PMFBP1: variants seen among roughly 807,000 people sequenced by gnomAD.
PMFBP1 encodes polyamine-modulated factor 1-binding protein 1.
A neutral mutation model predicts 137.8 loss-of-function variants in PMFBP1; 131 were observed. The observed-to-expected ratio is 0.95, with a 90% confidence interval of 0.82 to 1.10. PMFBP1 has a LOEUF of 1.10. Among genes scored for constraint, PMFBP1 ranks in the 50% least tolerant of loss-of-function variants. The pLI is 0.00. For missense variants in PMFBP1, 1,199 were observed against 1,175.4 expected, an observed-to-expected ratio of 1.02 and a Z score of -0.29; for synonymous variants, 490 against 450.4, an observed-to-expected ratio of 1.09 and a Z score of -1.11.
At chr16:72,211,920 C>A in the PMFBP1 span, among the ~76,000 whole-genome samples, 1 of 152,078 alleles carries the variant, frequency 6.6e-6, no homozygotes, top group Non-Finnish European at 1.5e-5. Flanking sequence ...CTGCTTGAGC[C>A]TGGGAGGCAG....
rs1233665330 is a variant in PMFBP1 at position 72,119,692 on chromosome 16, T to A, written c.3007+159A>T. 8 of 1,464,028 alleles carry A rather than the reference T, an allele frequency of 5.5e-6. No homozygotes were observed. The African/African-American group carries it at 1.1e-4, about 21-fold the overall frequency. 90.7% of individuals were successfully genotyped at this position (1,464,028 alleles called of 1,614,324 possible). ...TCAGAAGGGGTCTTAATTTGCCTCC[T>A]CCCTTTACAGATGTGAAAACAACGA... On this transcript the variant is annotated intron_variant, in intron 20 of 20. Coordinates refer to ENST00000237353, the MANE Select transcript of PMFBP1 (RefSeq NM_031293.3).
intron 19 of PMFBP1, among the ~76,000 whole-genome samples, chr16:72,120,897 G>T (rs1205785324): frequency 1.3e-5 from 2 of 152,140 alleles, no homozygotes; most frequent in African/African-American, 4.8e-5. Context: ...ACTGAACACA[G>T]GAGGTCTTAT....
At chr16:72,176,624 G>A (rs79842807), upstream of PMFBP1, among the ~76,000 whole-genome samples, 1,724 of 152,334 alleles carry the variant, frequency 0.011, 15 homozygotes, top group Middle Eastern at 0.017. Flanking sequence ...TGTTCCACCA[G>A]CCATCTGGAA....
chr16:72,196,248 A>G, the PMFBP1 span, among the ~76,000 whole-genome samples: 2 of 152,250 alleles, frequency 1.3e-5, no homozygotes, highest in South Asian at 4.2e-4. Flanking sequence ...ACCAACACCA[A>G]AGTCTTTATC....
chr16:72,243,602 T>C, the PMFBP1 span, among the ~76,000 whole-genome samples: 1 of 152,146 alleles, frequency 6.6e-6, no homozygotes, highest in African/African-American at 2.4e-5. Context: ...TTTGCCCCTC[T>C]TAATTATCCC....
chr16:72,220,780 C>T, the PMFBP1 span, among the ~76,000 whole-genome samples: 2 of 152,186 alleles, frequency 1.3e-5, no homozygotes, highest in African/African-American at 4.8e-5. Context: ...TCTGCAGACA[C>T]ATTGAGGGGA....
chr16:72,150,523 C>T lies in PMFBP1; in HGVS notation c.636+85G>A, dbSNP rs1487912261. On this transcript the variant is annotated intron_variant, in intron 5 of 20. Coordinates refer to ENST00000237353, the MANE Select transcript of PMFBP1 (RefSeq NM_031293.3). Reference sequence around the variant, plus strand: ...ACATCTGGGTAAAGGTTTGGGTTTCCAGTGGAGGAGGCTGGGACTGTCTGA... The same window carrying T: ...ACATCTGGGTAAAGGTTTGGGTTTCTAGTGGAGGAGGCTGGGACTGTCTGA... The T allele has an allele frequency of 9.6e-6, 13 of 1,347,740 alleles. No homozygotes were observed. In the Admixed American group the frequency reaches 2.2e-4, roughly 23 times the overall value. The allele number at this position is 1,347,740 out of a possible 1,614,324, so 83.5% of individuals were successfully genotyped here. A position where few individuals can be genotyped will look rare whatever the true frequency, so the allele number is the denominator to read the frequency against.
At chr16:72,193,185 G>A in the PMFBP1 span, among the ~76,000 whole-genome samples, 1 of 151,904 alleles carries the variant, frequency 6.6e-6, no homozygotes, top group South Asian at 2.1e-4. Flanking sequence ...CCAGGAGCTC[G>A]AGACCAGCCT....
At chr16:72,246,926 A>C in the PMFBP1 span, among the ~76,000 whole-genome samples, 1 of 152,150 alleles carries the variant, frequency 6.6e-6, no homozygotes, top group African/African-American at 2.4e-5. Context: ...CTAACAAGAG[A>C]AAGATGCCCA....
the PMFBP1 span, among the ~76,000 whole-genome samples, chr16:72,221,895 C>G: frequency 7.2e-5 from 11 of 152,172 alleles, no homozygotes; most frequent in Non-Finnish European, 1.5e-4. Context: ...ACATGTTCCT[C>G]TATATGAGGT....
At chr16:72,125,819 T>C in intron 15 of PMFBP1, 149 bp downstream of exon 15, 14 of 1,019,974 alleles carry the variant, frequency 1.4e-5, no homozygotes, top group Non-Finnish European at 2.0e-5. Context: ...GAAGCAGGCC[T>C]TCTCTGCACA....
At chr16:72,227,902 GT>G in the PMFBP1 span, among the ~76,000 whole-genome samples, 92 of 152,240 alleles carry the variant, frequency 6.0e-4, no homozygotes, top group African/African-American at 2.2e-3. Flanking sequence ...TTGTTATTAT[GT>G]TATCACATTC....
chr16:72,240,773 C>A, the PMFBP1 span, among the ~76,000 whole-genome samples: 3 of 152,174 alleles, frequency 2.0e-5, no homozygotes, highest in African/African-American at 7.2e-5. Flanking sequence ...AGGGCTGTAC[C>A]AAAAGATCTC....
chr16:72,159,130 C>T (rs542618063), intron 3 of PMFBP1, among the ~76,000 whole-genome samples: 1 of 152,182 alleles, frequency 6.6e-6, no homozygotes, highest in Admixed American at 6.5e-5. Context: ...TTTGCTTCCA[C>T]GTCCCTGTTT....
At chr16:72,247,883 CACTT>C in the PMFBP1 span, among the ~76,000 whole-genome samples, 2 of 152,132 alleles carry the variant, frequency 1.3e-5, no homozygotes, top group Admixed American at 6.5e-5. Flanking sequence ...ACAAGGAGGA[CACTT>C]ACTCATATGA....
At chr16:72,149,650 A>G (rs1344846368) in intron 5 of PMFBP1, among the ~76,000 whole-genome samples, 1 of 152,068 alleles carries the variant, frequency 6.6e-6, no homozygotes, top group Non-Finnish European at 1.5e-5. Context: ...CGGCGAAACC[A>G]TGTCTCTACT....
At position 72,124,822 on chromosome 16, in the gene PMFBP1, TC is replaced by T. The variant is rs1365076794; in HGVS notation, c.2533del (p.Glu845SerfsTer9). On this transcript the variant is annotated frameshift_variant, in exon 17 of 21. Coordinates refer to ENST00000237353, the MANE Select transcript of PMFBP1 (RefSeq NM_031293.3). LOFTEE classifies it high-confidence loss of function. ...TAAGGCGGCCATCTCCTCCTGGAACTCCCTGAGCTGCTCCTCTTTGGCTGCC... is the reference window on the plus strand; with the variant it reads ...TAAGGCGGCCATCTCCTCCTGGAACTCCTGAGCTGCTCCTCTTTGGCTGCC... ...MLAAKEEQLR[E>X]FQEEMAALKE... 2 of 1,614,208 alleles carry T rather than the reference TC, an allele frequency of 1.2e-6. No homozygotes were observed. Among genetic ancestry groups the T allele is most frequent in the Non-Finnish European group, 1.7e-6 (2 of 1,180,026 alleles).
upstream of PMFBP1, among the ~76,000 whole-genome samples, chr16:72,176,139 C>T (rs1323822615): frequency 6.6e-6 from 1 of 152,154 alleles, no homozygotes; most frequent in Non-Finnish European, 1.5e-5. Flanking sequence ...ACCAATGTCA[C>T]TGACTGAGCC....
chr16:72,127,562 G>A (rs1226576930), intron 14 of PMFBP1, among the ~76,000 whole-genome samples: 1 of 152,166 alleles, frequency 6.6e-6, no homozygotes, highest in Non-Finnish European at 1.5e-5. Flanking sequence ...AAGCTAAAAT[G>A]GAAGCTTTAA....
Sources: gnomAD v4.1 joint callset for allele counts (sites outside exome capture counted in the v4.1 genomes callset) on GRCh38, gnomAD v4.1.1 for gene constraint, MANE v1.5 for transcripts, NCBI Gene and HGNC (gene_info 2026-07-23, HGNC 2026-07-21) for gene names.